Variants in TANGO6 observed in about 807,000 individuals in gnomAD.
The protein encoded by TANGO6 is transport and Golgi organization protein 6 homolog.
In TANGO6, 90 loss-of-function variants were observed where a neutral mutation model predicts 114.2. The observed-to-expected ratio is 0.79, with a 90% CI of 0.66 to 0.94. The LOEUF (loss-of-function observed/expected upper bound fraction) is 0.94. TANGO6 is among the 40% of genes least tolerant of loss of function. TANGO6 has a pLI of 0.00. For missense variants in TANGO6, 1,274 were observed against 1,315.3 expected, an observed-to-expected ratio of 0.97 and a Z score of 0.49; for synonymous variants, 477 against 509.8, an observed-to-expected ratio of 0.94 and a Z score of 0.87.
In TANGO6 at chr16:68,992,188, G is replaced by A. The variant is rs534555712; in HGVS notation, c.2842+18020G>A. Among the ~76,000 whole-genome samples the A allele has an allele frequency of 3.9e-5, 6 of 152,252 alleles. No homozygotes were observed. The South Asian group carries it at 1.2e-3, about 32-fold the overall frequency. On this transcript the variant is annotated intron_variant, in intron 15 of 17. Transcript: ENST00000261778. ...GGGTTGCCAGATATCAAAGTGGGGA[G>A]GTGGGACCATCTACAGTGGCAGCCA...
intron 1 of TANGO6, among the ~76,000 whole-genome samples, chr16:68,848,457 A>C (rs1382468099): frequency 6.6e-6 from 1 of 152,106 alleles, no homozygotes; most frequent in African/African-American, 2.4e-5. Flanking sequence ...AAATGATCTC[A>C]TATGCCACAT....
intron 1 of TANGO6, among the ~76,000 whole-genome samples, chr16:68,856,089 T>G (rs993273588): frequency 5.9e-5 from 9 of 152,298 alleles, no homozygotes; most frequent in African/African-American, 2.2e-4. Context: ...ACAATTTTGC[T>G]TCTTCCTTTC....
intron 2 of TANGO6, among the ~76,000 whole-genome samples, chr16:68,861,052 T>C (rs1420085646): frequency 2.0e-5 from 3 of 152,140 alleles, no homozygotes; most frequent in Admixed American, 6.5e-5. Context: ...TTGCTGTCAC[T>C]CAGTCCAGTA....
At chr16:68,874,336 C>T (rs975704808) in intron 4 of TANGO6, among the ~76,000 whole-genome samples, 8 of 152,134 alleles carry the variant, frequency 5.3e-5, no homozygotes, top group African/African-American at 1.7e-4. Context: ...AGTCAGTGAA[C>T]GAGGGCAGTC....
chr16:68,974,553 C>T (rs929349921), intron 15 of TANGO6, among the ~76,000 whole-genome samples: 23 of 152,042 alleles, frequency 1.5e-4, no homozygotes, highest in East Asian at 1.9e-4. Flanking sequence ...TCCCACTACT[C>T]GGGAGGTTAA....
At chr16:68,850,029 A>G (rs1414857502) in intron 1 of TANGO6, among the ~76,000 whole-genome samples, 3 of 137,258 alleles carry the variant, frequency 2.2e-5, no homozygotes, top group Non-Finnish European at 4.5e-5. Context: ...GCTGGAGTGC[A>G]GTGGCTCAAT....
chr16:69,064,457 GC>G (rs1163390844), intron 17 of TANGO6, among the ~76,000 whole-genome samples: 7 of 152,166 alleles, frequency 4.6e-5, no homozygotes, highest in African/African-American at 9.7e-5. Context: ...CCTAAAGGAA[GC>G]CTAAACCATG....
chr16:68,970,304 G>A (rs1014064923), intron 14 of TANGO6, among the ~76,000 whole-genome samples: 7 of 152,150 alleles, frequency 4.6e-5, no homozygotes, highest in Non-Finnish European at 7.3e-5. Context: ...AGCTCATTTG[G>A]CCAGGATAGT....
intron 8 of TANGO6, among the ~76,000 whole-genome samples, chr16:68,901,959 T>A (rs561130183): frequency 2.0e-5 from 3 of 151,960 alleles, no homozygotes; most frequent in Admixed American, 2.0e-4. Context: ...GGTCTCCAGC[T>A]GTTGGTCTTG....
At chr16:68,981,430 C>T (rs915985930) in intron 15 of TANGO6, among the ~76,000 whole-genome samples, 1 of 151,924 alleles carries the variant, frequency 6.6e-6, no homozygotes. Context: ...AGGCTGGTCT[C>T]GACCTCCTGA....
intron 15 of TANGO6, among the ~76,000 whole-genome samples, chr16:69,020,904 A>ATGAGTGTGTG (rs1959390986): frequency 1.1e-5 from 1 of 87,284 alleles, no homozygotes; most frequent in African/African-American, 2.9e-5. Flanking sequence ...ATATGTATGT[A>ATGAGTGTGTG]TGTGTGTGTG....
At chr16:69,012,434 T>G (rs536994756) in intron 15 of TANGO6, among the ~76,000 whole-genome samples, 171 of 151,244 alleles carry the variant, frequency 1.1e-3, no homozygotes, top group Admixed American at 3.5e-3. Flanking sequence ...CGCATGCCTG[T>G]AATCCCAGCT....
chr16:69,055,016 G>A (rs1202874867), intron 17 of TANGO6, among the ~76,000 whole-genome samples: 1 of 147,134 alleles, frequency 6.8e-6, no homozygotes, highest in Non-Finnish European at 1.5e-5. Context: ...ACTTAAAGAT[G>A]CCAATTTTTT....
At chr16:68,964,048 TC>T (rs1439021766) in intron 14 of TANGO6, among the ~76,000 whole-genome samples, 19 of 152,152 alleles carry the variant, frequency 1.2e-4, no homozygotes, top group Admixed American at 1.0e-3. Context: ...GACTAGCTGT[TC>T]TACTTTGAAA....
At chr16:69,046,465 T>C (rs1238080587) in intron 17 of TANGO6, among the ~76,000 whole-genome samples, 1 of 152,040 alleles carries the variant, frequency 6.6e-6, no homozygotes, top group Non-Finnish European at 1.5e-5. Flanking sequence ...ATTACAGGTA[T>C]GTGCCACCAC....
chr16:68,860,169 A>G lies in TANGO6; in HGVS notation c.380A>G (p.Glu127Gly). ...NPGKPNPRTP[E>G]VAPALSPDAL... ...GGTAAACCCAACCCTAGGACTCCGG[A>G]AGTTGCTCCTGCCCTGAGCCCCGAT... The change falls in exon 2 of 18, where the codon GAA becomes GGA. Residue 127 changes from glutamate to glycine, a missense_variant. Glu to Gly is a moderately conservative substitution (Grantham distance 98). This residue lies in a region of TANGO6 where 908 missense variants were observed against 910.2 expected (regional missense o/e 1.00). Coordinates refer to ENST00000261778, the MANE Select transcript of TANGO6 (RefSeq NM_024562.2). The G allele has an allele frequency of 6.2e-7, 1 of 1,613,988 alleles. No individual in the cohort carries two copies. The highest frequency in any genetic ancestry group is 1.7e-5 in the Admixed American group (1 of 60,014).
rs1963189732 is a variant in TANGO6, at chr16:68,927,902, A to G, written c.2462A>G (p.Asn821Ser). ...GCTCCAATCATTCCTCAAGGAGTCA[A>G]TGAGCCCAGCACTACTACAAGTCAG... ...SNAPIIPQGV[N>S]EPSTTTSQKS... Residue 821 changes from asparagine (N) to serine (S), a missense_variant, in exon 13 of 18, where the codon AAT (asparagine) becomes AGT (serine). Asn to Ser is a conservative substitution (Grantham distance 46). Around this residue, in one of 5 missense-constraint regions of TANGO6, gnomAD observed 908 missense variants for 910.2 expected, o/e 1.00. Coordinates refer to ENST00000261778, the MANE Select transcript of TANGO6 (RefSeq NM_024562.2). The G allele has an allele frequency of 1.2e-6, 2 of 1,613,844 alleles. No individual in the cohort carries two copies. The highest frequency in any genetic ancestry group is 1.7e-5 in the Admixed American group (1 of 59,986).
intron 9 of TANGO6, among the ~76,000 whole-genome samples, chr16:68,903,390 G>A (rs879580299): frequency 7.9e-5 from 12 of 152,002 alleles, no homozygotes; most frequent in East Asian, 5.8e-4. Context: ...AGGCTGAGGC[G>A]GGTGGATCAC....
intron 14 of TANGO6, among the ~76,000 whole-genome samples, chr16:68,952,507 C>A (rs1014347078): frequency 6.6e-6 from 1 of 152,208 alleles, no homozygotes; most frequent in African/African-American, 2.4e-5. Context: ...TGTTCACACA[C>A]TTAGTAAGCC....
Sources: gnomAD v4.1 joint callset for allele counts (sites outside exome capture counted in the v4.1 genomes callset) on GRCh38, gnomAD v4.1.1 for gene constraint, gnomAD v4.1.1 regional missense constraint, MANE v1.5 for transcripts, NCBI Gene and HGNC (gene_info 2026-07-23, HGNC 2026-07-21) for gene names.